The following CNST variants were observed in gnomAD, a reference collection of about 807,000 sequenced individuals.
The protein encoded by CNST is consortin, connexin sorting protein, also known as consortin.
Under a neutral mutation model 72.4 loss-of-function variants are expected in CNST, and 39 were observed. The observed-to-expected ratio is 0.54, with a 90% CI of 0.42 to 0.70. The LOEUF (loss-of-function observed/expected upper bound fraction) is 0.70, where lower values mean the gene tolerates loss of function less well. CNST is among the 30% of genes least tolerant of loss of function. The pLI, the probability that CNST is intolerant of heterozygous loss-of-function variation, is 0.00. For missense variants in CNST, 871 were observed against 868.5 expected (o/e 1.00, Z -0.04); for synonymous variants, 332 against 320.1 (o/e 1.04, Z -0.40).
intron 2 of CNST, among the ~76,000 whole-genome samples, chr1:246,600,512 GAGAGAAGTA>G (rs1662208719): frequency 6.6e-6 from 1 of 152,192 alleles, no homozygotes; most frequent in East Asian, 1.9e-4. Flanking sequence ...TGTACGGCTG[GAGAGAAGTA>G]AGTGAATTCA....
chr1:246,591,689 C>G lies in CNST; in HGVS notation c.127C>G (p.Leu43Val). The G allele has an allele frequency of 3.1e-6, 5 of 1,614,138 alleles. No homozygotes were observed. Among genetic ancestry groups the G allele is most frequent in the Non-Finnish European group, 4.2e-6 (5 of 1,180,022 alleles). ...TGCATCAGATGAAAATGAAAATCAG[C>G]TTGACGGGGACGGGCATGAGCATCT... Reference protein sequence around the residue: ...PSASDENENQLDGDGHEHLTS... With the variant: ...PSASDENENQVDGDGHEHLTS... The change falls in exon 2 of 11, where the codon CTT (leucine) becomes GTT (valine). Residue 43 changes from leucine (L) to valine (V), a missense_variant. Transcript: ENST00000366513.
At chr1:246,652,809 C>G (rs1460601754) in intron 9 of CNST, among the ~76,000 whole-genome samples, 2 of 151,010 alleles carry the variant, frequency 1.3e-5, no homozygotes, top group Non-Finnish European at 3.0e-5. Context: ...TCGAGACCAT[C>G]CTGGCTAACA....
At chr1:246,642,067 C>T (rs758020446) in intron 8 of CNST, 30 bp downstream of exon 8, 25 of 1,262,862 alleles carry the variant, frequency 2.0e-5, no homozygotes, top group Middle Eastern at 1.9e-4. Flanking sequence ...TATGGAGCAA[C>T]GTAAAAGATA....
chr1:246,586,246 T>C (rs1474077275), intron 1 of CNST, among the ~76,000 whole-genome samples: 1 of 147,552 alleles, frequency 6.8e-6, no homozygotes, highest in East Asian at 1.9e-4. Context: ...TTATATCTGA[T>C]ATATATTATA....
intron 4 of CNST, chr1:246,632,440 A>G (rs1664835425): frequency 4.9e-6 from 1 of 206,028 alleles, no homozygotes; most frequent in Admixed American, 6.1e-5. Context: ...AGGGACCCCC[A>G]TTTTACGACA....
chr1:246,637,271 G>A (rs1311932349), intron 6 of CNST, among the ~76,000 whole-genome samples: 4 of 152,178 alleles, frequency 2.6e-5, no homozygotes, highest in Non-Finnish European at 4.4e-5. Flanking sequence ...GTATCACAGC[G>A]TAGGGGCCTG....
intron 1 of CNST, among the ~76,000 whole-genome samples, chr1:246,577,535 A>G (rs948510245): frequency 3.9e-5 from 6 of 152,094 alleles, no homozygotes; most frequent in Non-Finnish European, 7.3e-5. Flanking sequence ...TAGTAAAACA[A>G]TGAGTTTTAA....
intron 2 of CNST, among the ~76,000 whole-genome samples, chr1:246,601,750 T>A (rs1251562458): frequency 6.6e-6 from 1 of 152,152 alleles, no homozygotes; most frequent in African/African-American, 2.4e-5. Flanking sequence ...GCCGAGATCA[T>A]GCCATTGCAT....
At chr1:246,665,610 T>A in intron 10 of CNST, 90 bp from the exon 11 acceptor site, 1 of 1,048,304 alleles carries the variant, frequency 9.5e-7, no homozygotes, top group Admixed American at 1.9e-5. Flanking sequence ...ACAGTAGAAA[T>A]GTGTAGTTAT....
intron 1 of CNST, among the ~76,000 whole-genome samples, chr1:246,573,841 T>C (rs1660213252): frequency 6.7e-6 from 1 of 150,050 alleles, no homozygotes; most frequent in Non-Finnish European, 1.5e-5. Flanking sequence ...TCCATTTTCC[T>C]CCAGCTCTTC....
At chr1:246,614,535 C>T (rs538064922) in intron 2 of CNST, among the ~76,000 whole-genome samples, 3 of 145,692 alleles carry the variant, frequency 2.1e-5, no homozygotes, top group South Asian at 4.3e-4. Flanking sequence ...TTTTTGGAGA[C>T]AGTCTCGCTC....
intron 2 of CNST, among the ~76,000 whole-genome samples, chr1:246,597,514 G>GT (rs1169344926): frequency 3.3e-5 from 5 of 152,212 alleles, no homozygotes; most frequent in African/African-American, 4.8e-5. Context: ...AGTCACCATA[G>GT]TATCAAAGCA....
intron 9 of CNST, among the ~76,000 whole-genome samples, chr1:246,651,704 T>C (rs1200492432): frequency 1.3e-5 from 2 of 152,252 alleles, no homozygotes; most frequent in Non-Finnish European, 2.9e-5. Flanking sequence ...TGTAAAGTGA[T>C]AGCTTAATAT....
At chr1:246,601,939 G>T (rs1662315922) in intron 2 of CNST, among the ~76,000 whole-genome samples, 1 of 152,184 alleles carries the variant, frequency 6.6e-6, no homozygotes, top group Non-Finnish European at 1.5e-5. Context: ...GAGTTTTGAA[G>T]TATTACCTCT....
Position 246,659,251 on chromosome 1 carries a change from T to G in CNST, c.1837-948T>G, listed in dbSNP as rs556689662. 2.0e-5 allele frequency among the ~76,000 whole-genome samples: 3 copies of G among 152,310 alleles called. No individual in the cohort carries two copies. The East Asian group carries it at 5.8e-4, about 29-fold the overall frequency. ...TTATATTCACAAAAGTAGGCAGCAC[T>G]GGCCTTTGGCCTGTGGGCCATAGTT... On this transcript the variant is annotated intron_variant, in intron 9 of 10. Coordinates refer to ENST00000366513, the MANE Select transcript of CNST (RefSeq NM_152609.3).
At chr1:246,594,875 T>C (rs1166792179) in intron 2 of CNST, among the ~76,000 whole-genome samples, 1 of 152,240 alleles carries the variant, frequency 6.6e-6, no homozygotes, top group Admixed American at 6.5e-5. Context: ...TGTTGTCGTC[T>C]GTATAATGAT....
intron 2 of CNST, among the ~76,000 whole-genome samples, chr1:246,600,706 A>G (rs190140182): frequency 6.6e-6 from 1 of 152,294 alleles, no homozygotes; most frequent in Admixed American, 6.5e-5. Flanking sequence ...GTTTGGAGAG[A>G]AGAGAGTAGA....
chr1:246,641,053 A>G (rs1665654791), intron 6 of CNST, among the ~76,000 whole-genome samples: 1 of 152,212 alleles, frequency 6.6e-6, no homozygotes, highest in African/African-American at 2.4e-5. Context: ...GTAATTTTAT[A>G]TAAATGGGAT....
chr1:246,592,022 C>G, intron 2 of CNST, 81 bp downstream of exon 2: 1 of 1,126,314 alleles, frequency 8.9e-7, no homozygotes, highest in Non-Finnish European at 1.2e-6. Context: ...TGTTTACTGT[C>G]CTGCACCTTG....
Sources: allele counts gnomAD v4.1 joint callset (sites outside exome capture counted in the v4.1 genomes callset), GRCh38; gene constraint gnomAD v4.1.1; transcripts MANE v1.5; gene names NCBI Gene and HGNC (gene_info 2026-07-23, HGNC 2026-07-21).